Variants in STIM1 observed in about 807,000 individuals in gnomAD.
STIM1 encodes the protein stromal interaction molecule 1.
A neutral mutation model predicts 74.7 loss-of-function variants in STIM1; 25 were observed. The observed-to-expected ratio is 0.33, with a 90% CI of 0.24 to 0.47. The LOEUF (loss-of-function observed/expected upper bound fraction) is 0.47. STIM1 is among the 20% of genes least tolerant of loss of function. The probability of loss-of-function intolerance (pLI) is 1.00; values close to 1 mark genes in which losing one functional copy is unlikely to be tolerated. For synonymous variants in STIM1, 328 were observed against 348.8 expected, an observed-to-expected ratio of 0.94 and a Z score of 0.66; for missense variants, 728 against 920.8, an observed-to-expected ratio of 0.79 and a Z score of 2.71.
intron 2 of STIM1, among the ~76,000 whole-genome samples, chr11:3,991,950 C>CAAAAAAA (rs1230185435): frequency 5.5e-5 from 2 of 36,674 alleles, no homozygotes; most frequent in Non-Finnish European, 8.8e-5. Flanking sequence ...AACTCCATCT[C>CAAAAAAA]AAAAAAAAAA....
intron 2 of STIM1, among the ~76,000 whole-genome samples, chr11:3,982,688 A>G (rs1442445601): frequency 6.6e-6 from 1 of 152,200 alleles, no homozygotes; most frequent in Non-Finnish European, 1.5e-5. Context: ...GCTGATGATA[A>G]TGTTCTAAAA....
chr11:3,906,092 A>C (rs2092461150), intron 1 of STIM1, among the ~76,000 whole-genome samples: 1 of 152,146 alleles, frequency 6.6e-6, no homozygotes, highest in Non-Finnish European at 1.5e-5. Context: ...TGTGCTATGG[A>C]CTGTTACAGA....
rs2090360949 is a variant in STIM1 at position 3,856,200 on chromosome 11, C to T, written c.-71C>T. The T allele has an allele frequency of 6.2e-6, 10 of 1,606,366 alleles. No individual in the cohort carries two copies. The Admixed American group carries it at 1.2e-4, about 19-fold the overall frequency. On this transcript the variant is annotated 5_prime_UTR_variant, in exon 1 of 13. Transcript: ENST00000526596. ...GCCTGGAGACCGTCGGCTGCACTCC[C>T]GGGCTCCTGGCTTTGCCTCTGGGAT...
chr11:3,956,851 A>G (rs67585273), intron 1 of STIM1, among the ~76,000 whole-genome samples: 1,621 of 146,932 alleles, frequency 0.011, 46 homozygotes, highest in African/African-American at 0.038. Flanking sequence ...AAAAAAAAAA[A>G]GTCAGAGAGG....
rs201543900 is a variant in STIM1 at position 4,091,408 on chromosome 11, C to G, written c.1761C>G (p.Ser587Arg). 25 of 1,614,108 alleles carry G rather than the reference C, an allele frequency of 1.5e-5. No individual in the cohort carries two copies. The East Asian group carries it at 5.3e-4, about 35-fold the overall frequency. Residue 587 changes from serine (S) to arginine (R), a missense_variant, in exon 13 of 13, where the codon AGC (serine) becomes AGG (arginine). Around this residue, in one of 5 missense-constraint regions of STIM1, gnomAD observed 352 missense variants for 370.1 expected, o/e 0.95. Coordinates refer to ENST00000526596, the MANE Select transcript of STIM1 (RefSeq NM_001382567.1). Reference protein sequence around the residue: ...EALNAMTSNGSHRLIEGVHPG... With the variant: ...EALNAMTSNGRHRLIEGVHPG... Reference sequence around the variant, plus strand: ...TCAATGCCATGACTTCCAATGGCAGCCACCGGCTGATCGAGGGGGTCCACC... The same window carrying G: ...TCAATGCCATGACTTCCAATGGCAGGCACCGGCTGATCGAGGGGGTCCACC...
chr11:4,086,262 G>C, intron 11 of STIM1: 1 of 603,528 alleles, frequency 1.7e-6, no homozygotes, highest in Non-Finnish European at 2.9e-6. Flanking sequence ...CCTTCTATTG[G>C]AATTGCCACT....
chr11:3,913,477 T>C (rs1398619318), intron 1 of STIM1, among the ~76,000 whole-genome samples: 1 of 152,192 alleles, frequency 6.6e-6, no homozygotes, highest in East Asian at 1.9e-4. Flanking sequence ...GATCAACCAC[T>C]GTGCCCAGTT....
At chr11:4,008,205 A>G (rs2093801756) in intron 2 of STIM1, among the ~76,000 whole-genome samples, 1 of 152,158 alleles carries the variant, frequency 6.6e-6, no homozygotes, top group East Asian at 1.9e-4. Flanking sequence ...ACTCCCTACA[A>G]TATTGAGTAC....
intron 1 of STIM1, among the ~76,000 whole-genome samples, chr11:3,927,973 G>T (rs2092808865): frequency 6.6e-6 from 1 of 152,174 alleles, no homozygotes; most frequent in Non-Finnish European, 1.5e-5. Flanking sequence ...GAAAGCAAAT[G>T]AAGTATTTAA....
intron 2 of STIM1, among the ~76,000 whole-genome samples, chr11:4,001,008 A>G (rs1279777386): frequency 2.0e-5 from 3 of 152,364 alleles, no homozygotes; most frequent in Admixed American, 2.0e-4. Context: ...GAAATGAATG[A>G]AATGAAGCGA....
intron 2 of STIM1, among the ~76,000 whole-genome samples, chr11:4,011,652 A>T (rs1425403351): frequency 1.3e-5 from 2 of 151,870 alleles, no homozygotes; most frequent in East Asian, 1.9e-4. Context: ...TAGTGCAAAA[A>T]TTTTCTCCCA....
chr11:4,017,754 A>G (rs1180226707), intron 2 of STIM1, among the ~76,000 whole-genome samples: 7 of 152,330 alleles, frequency 4.6e-5, no homozygotes, highest in African/African-American at 1.7e-4. Context: ...TGAGGATAGC[A>G]GATTTGATCT....
chr11:4,042,963 C>T (rs999081320), intron 3 of STIM1, among the ~76,000 whole-genome samples: 1 of 152,102 alleles, frequency 6.6e-6, no homozygotes, highest in Non-Finnish European at 1.5e-5. Flanking sequence ...TCTTGATCAC[C>T]GCTCTATTCC....
At chr11:3,955,723 A>G (rs751384592) in intron 1 of STIM1, among the ~76,000 whole-genome samples, 16 of 152,036 alleles carry the variant, frequency 1.1e-4, no homozygotes, top group Admixed American at 3.9e-4. Context: ...ACCCAGAGAG[A>G]TACTGATTTA....
chr11:4,077,025 A>T (rs1193944380), intron 7 of STIM1, among the ~76,000 whole-genome samples: 1 of 151,718 alleles, frequency 6.6e-6, no homozygotes, highest in Non-Finnish European at 1.5e-5. Context: ...GCTGTTCGTA[A>T]GAGACACATT....
chr11:4,068,786 G>C (rs899310603), intron 5 of STIM1, among the ~76,000 whole-genome samples: 3 of 152,122 alleles, frequency 2.0e-5, no homozygotes, highest in Admixed American at 2.0e-4. Context: ...CAGCCTTTCT[G>C]TGAGGAGCTA....
chr11:3,973,494 G>T (rs1484310830), intron 2 of STIM1: 1 of 226,948 alleles, frequency 4.4e-6, no homozygotes, highest in Non-Finnish European at 8.7e-6. Context: ...GGACCTCCGG[G>T]GCTCAAGTGA....
intron 3 of STIM1, among the ~76,000 whole-genome samples, chr11:4,038,908 T>G (rs2094125573): frequency 6.6e-6 from 1 of 152,198 alleles, no homozygotes; most frequent in Admixed American, 6.6e-5. Context: ...GTAAGAAATA[T>G]TCTCAAATGG....
At chr11:3,862,228 T>A (rs1022068464) in intron 1 of STIM1, among the ~76,000 whole-genome samples, 8 of 152,186 alleles carry the variant, frequency 5.3e-5, no homozygotes, top group Non-Finnish European at 2.9e-5. Flanking sequence ...CAAGACCTTG[T>A]CTTACCCTAA....
Sources: gnomAD v4.1 joint callset for allele counts (sites outside exome capture counted in the v4.1 genomes callset) on GRCh38, gnomAD v4.1.1 for gene constraint, gnomAD v4.1.1 regional missense constraint, MANE v1.5 for transcripts, NCBI Gene and HGNC (gene_info 2026-07-23, HGNC 2026-07-21) for gene names.